Variants in OR10G8 observed in about 807,000 individuals in gnomAD.
OR10G8 encodes olfactory receptor 10G8.
For synonymous variants in OR10G8, 173 were observed against 163.2 expected (o/e 1.06, Z -0.46); for missense variants, 386 against 384.9 (o/e 1.00, Z -0.02).
At chr11:124,027,759 A>G (rs889441024) in intron 1 of OR10G8, among the ~76,000 whole-genome samples, 3 of 152,218 alleles carry the variant, frequency 2.0e-5, no homozygotes, top group African/African-American at 7.2e-5. Context: ...CCCTGGAGGT[A>G]TCTTCTCTGG....
rs751619026 is a variant in OR10G8, at chr11:124,029,687, A to T, written c.65A>T (p.Asp22Val). The change falls in exon 2 of 2, where the codon GAC becomes GTC. Residue 22 changes from aspartate to valine, a missense_variant. Asp to Val is a radical substitution (Grantham distance 152). Transcript: ENST00000641224. Reference protein sequence around the residue: ...LMGLPHAPALDAPLFGVFLVV... With the variant: ...LMGLPHAPALVAPLFGVFLVV... ...GGCCTTCCCCATGCCCCAGCGCTGGACGCCCCCCTCTTTGGAGTCTTCCTG... is the reference window on the plus strand; with the variant it reads ...GGCCTTCCCCATGCCCCAGCGCTGGTCGCCCCCCTCTTTGGAGTCTTCCTG... The T allele has an allele frequency of 1.2e-6, 2 of 1,613,712 alleles. No individual in the cohort carries two copies. The highest frequency in any genetic ancestry group is 1.7e-6 in the Non-Finnish European group (2 of 1,179,842).
intron 1 of OR10G8, among the ~76,000 whole-genome samples, chr11:124,028,735 T>C (rs1410119455): frequency 6.6e-6 from 1 of 152,184 alleles, no homozygotes; most frequent in South Asian, 2.1e-4. Context: ...ATGATTTAGC[T>C]GAACTGTTCA....
intron 1 of OR10G8, among the ~76,000 whole-genome samples, chr11:124,028,944 C>A (rs1395948031): frequency 1.3e-5 from 2 of 152,036 alleles, no homozygotes; most frequent in Non-Finnish European, 2.9e-5. Flanking sequence ...TGGAATATCA[C>A]CCCCGTGACT....
At position 124,029,721 on chromosome 11, in the gene OR10G8, C is replaced by G; in HGVS notation, c.99C>G (p.Tyr33Ter). ...TCTTTGGAGTCTTCCTGGTGGTTTA[C>G]GTGCTCACTGTGCTGGGGAACCTCC... ...APLFGVFLVV[Y>*]VLTVLGNLLI... The change falls in exon 2 of 2, where the codon TAC (tyrosine) becomes TAG (stop). Residue 33 changes from tyrosine to a stop codon, truncating the protein, a stop_gained. Transcript: ENST00000641224. LOFTEE classifies it low-confidence loss of function (END_TRUNC). 1 of 1,613,974 alleles carries G rather than the reference C, an allele frequency of 6.2e-7. No homozygotes were observed. Among genetic ancestry groups the G allele is most frequent in the Non-Finnish European group, 8.5e-7 (1 of 1,179,868 alleles).
chr11:124,030,036 C>A lies in OR10G8; in HGVS notation c.414C>A (p.Arg138=), dbSNP rs745713785. 1.9e-6 allele frequency: 3 copies of A among 1,614,130 alleles called. No individual in the cohort carries two copies. Among genetic ancestry groups the A allele is most frequent in the Non-Finnish European group, 1.7e-6 (2 of 1,180,006 alleles). ...PLRYTSMMTG[R]SCTLLATSTW... ...GGTACACCAGCATGATGACTGGGCG[C>A]TCGTGTACTCTTCTGGCCACCAGCA... Residue 138 remains arginine (R), a synonymous_variant, in exon 2 of 2, where the codon CGC becomes CGA. Transcript: ENST00000641224.
chr11:124,029,516 C>G, intron 1 of OR10G8, 80 bp from the exon 2 acceptor site: 1 of 1,259,162 alleles, frequency 7.9e-7, no homozygotes. Context: ...TATCTACCTG[C>G]TTGATGCAGT....
intron 1 of OR10G8, among the ~76,000 whole-genome samples, chr11:124,028,312 C>G (rs943940445): frequency 6.6e-6 from 1 of 152,124 alleles, no homozygotes; most frequent in Non-Finnish European, 1.5e-5. Context: ...AACCTTGATG[C>G]TCTCTGGATC....
Position 124,030,039 on chromosome 11 carries a change from G to C in OR10G8, c.417G>C (p.Ser139=), listed in dbSNP as rs540634723. The C allele has an allele frequency of 7.4e-6, 12 of 1,613,976 alleles. No individual in the cohort carries two copies. The highest frequency in any genetic ancestry group is 1.0e-5 in the Non-Finnish European group (12 of 1,180,010). The change falls in exon 2 of 2, where the codon TCG becomes TCC. Residue 139 remains serine (S), a synonymous_variant. Transcript: ENST00000641224. The part of the protein sequence containing the change: ...LRYTSMMTGR[S]CTLLATSTWL... ...ACACCAGCATGATGACTGGGCGCTC[G>C]TGTACTCTTCTGGCCACCAGCACTT...
At position 124,030,459 on chromosome 11, in the gene OR10G8, G is replaced by A. The variant is rs138666219; in HGVS notation, c.837G>A (p.Thr279=). Residue 279 remains threonine, a synonymous_variant, in exon 2 of 2, where the codon ACG becomes ACA. Coordinates refer to ENST00000641224, the MANE Select transcript of OR10G8 (RefSeq NM_001004464.2). ...TGGCCGTTTTCTACACTGTGCTGACGCCCCTTCTCAACCCTGTTGTGTACA... is the reference window on the plus strand; with the variant it reads ...TGGCCGTTTTCTACACTGTGCTGACACCCCTTCTCAACCCTGTTGTGTACA... ...GVVAVFYTVL[T]PLLNPVVYTL... The A allele has an allele frequency of 7.7e-5, 124 of 1,614,164 alleles. No individual in the cohort carries two copies. In the Middle Eastern group the frequency reaches 3.5e-3, roughly 45 times the overall value.
chr11:124,028,669 T>C (rs114058787), intron 1 of OR10G8, among the ~76,000 whole-genome samples: 416 of 152,316 alleles, frequency 2.7e-3, no homozygotes, highest in African/African-American at 9.3e-3. Flanking sequence ...GCTTATAACT[T>C]CTCAGTGAGG....
intron 1 of OR10G8, among the ~76,000 whole-genome samples, chr11:124,028,953 C>T (rs1297386367): frequency 6.6e-6 from 1 of 152,070 alleles, no homozygotes; most frequent in East Asian, 1.9e-4. Flanking sequence ...ACCCCCGTGA[C>T]TGCATTACAT....
Position 124,029,838 on chromosome 11 carries a change from C to T in OR10G8, c.216C>T (p.Ser72=), listed in dbSNP as rs775407041. 8 of 1,614,206 alleles carry T rather than the reference C, an allele frequency of 5.0e-6. No homozygotes were observed. Among genetic ancestry groups the T allele is most frequent in the South Asian group, 2.2e-5 (2 of 91,082 alleles). The change falls in exon 2 of 2, where the codon TCC becomes TCT. Residue 72 remains serine (S), a synonymous_variant. Transcript: ENST00000641224. ...TNLSFIDMWF[S]TVTVPKLLMT... Reference sequence around the variant, plus strand: ...TGTCGTTCATTGACATGTGGTTCTCCACTGTCACGGTGCCCAAATTGCTGA... The same window carrying T: ...TGTCGTTCATTGACATGTGGTTCTCTACTGTCACGGTGCCCAAATTGCTGA...
intron 1 of OR10G8, among the ~76,000 whole-genome samples, chr11:124,029,278 C>A (rs1430636728): frequency 6.6e-6 from 1 of 152,126 alleles, no homozygotes; most frequent in Admixed American, 6.6e-5. Context: ...GAGGGCCCAG[C>A]TGACCTGACC....
chr11:124,030,410 C>G lies in OR10G8; in HGVS notation c.788C>G (p.Ser263Cys), dbSNP rs1864148012. Residue 263 changes from serine to cysteine, a missense_variant, in exon 2 of 2, where the codon TCC (serine) becomes TGC (cysteine). Transcript: ENST00000641224. ...CTTTTCATTTACCTGAGGCCAGGCT[C>G]CAGGAAAGCTGTGGATGGAGTTGTG... ...PGLFIYLRPG[S>C]RKAVDGVVAV... 1 of 1,614,208 alleles carries G rather than the reference C, an allele frequency of 6.2e-7. No individual in the cohort carries two copies.
At chr11:124,028,718 C>T (rs1165533783) in intron 1 of OR10G8, among the ~76,000 whole-genome samples, 1 of 152,044 alleles carries the variant, frequency 6.6e-6, no homozygotes, top group East Asian at 1.9e-4. Context: ...TATGAGGAAA[C>T]TAGAAAATGA....
intron 1 of OR10G8, among the ~76,000 whole-genome samples, chr11:124,028,393 C>A (rs1864124438): frequency 6.6e-6 from 1 of 152,188 alleles, no homozygotes; most frequent in Admixed American, 6.5e-5. Flanking sequence ...AGACCAAGGA[C>A]AAGCCCTTTG....
At chr11:124,029,066 T>C (rs1864129880) in intron 1 of OR10G8, among the ~76,000 whole-genome samples, 1 of 152,130 alleles carries the variant, frequency 6.6e-6, no homozygotes, top group Non-Finnish European at 1.5e-5. Flanking sequence ...AGCTAGGACT[T>C]TCTTGGACCT....
Position 124,030,269 on chromosome 11 carries a change from C to G in OR10G8, c.647C>G (p.Ser216Cys), listed in dbSNP as rs994738277. 3 of 1,614,202 alleles carry G rather than the reference C, an allele frequency of 1.9e-6. No homozygotes were observed. The highest frequency in any genetic ancestry group is 2.5e-6 in the Non-Finnish European group (3 of 1,180,042). ...GGCTGCTTTGTCCTGATAGTGCTGTCCTATGTGTCCATCGTCTGTTCCATC... is the reference window on the plus strand; with the variant it reads ...GGCTGCTTTGTCCTGATAGTGCTGTGCTATGTGTCCATCGTCTGTTCCATC... Reference protein sequence around the residue: ...ASGCFVLIVLSYVSIVCSILR... With the variant: ...ASGCFVLIVLCYVSIVCSILR... Residue 216 changes from serine to cysteine, a missense_variant, in exon 2 of 2, where the codon TCC (serine) becomes TGC (cysteine). Ser to Cys is a moderately radical substitution (Grantham distance 112, BLOSUM62 -1). Coordinates refer to ENST00000641224, the MANE Select transcript of OR10G8 (RefSeq NM_001004464.2).
At chr11:124,027,548 T>C (rs1482550483) in intron 1 of OR10G8, among the ~76,000 whole-genome samples, 2 of 152,206 alleles carry the variant, frequency 1.3e-5, no homozygotes, top group African/African-American at 4.8e-5. Flanking sequence ...TGGACTTCAC[T>C]GGATGAGGAT....
Sources: allele counts gnomAD v4.1 joint callset (sites outside exome capture counted in the v4.1 genomes callset), GRCh38; gene constraint gnomAD v4.1.1; transcripts MANE v1.5; gene names NCBI Gene and HGNC (gene_info 2026-07-23, HGNC 2026-07-21).